Variants in ZNF804A observed in about 807,000 individuals in gnomAD.
ZNF804A encodes zinc finger protein 804A.
A neutral mutation model predicts 16.5 loss-of-function variants in ZNF804A; 2 were observed. The ratio of observed to expected loss-of-function variants is 0.12; its 90% CI spans 0.05 to 0.38. The LOEUF (loss-of-function observed/expected upper bound fraction) is 0.38. Ranked by LOEUF, ZNF804A falls within the 10% of genes least tolerant of loss-of-function variation. The pLI, the probability that ZNF804A is intolerant of heterozygous loss-of-function variation, is 0.99. For synonymous variants in ZNF804A, 534 were observed against 489.6 expected, an observed-to-expected ratio of 1.09 and a Z score of -1.20; for missense variants, 1,473 against 1,390.7, an observed-to-expected ratio of 1.06 and a Z score of -0.94.
intron 1 of ZNF804A, among the ~76,000 whole-genome samples, chr2:184,600,832 C>A (rs1437863837): frequency 2.6e-5 from 4 of 152,130 alleles, no homozygotes; most frequent in African/African-American, 7.2e-5. Context: ...GGAGTTGGTT[C>A]ATTCTTCATG....
intron 1 of ZNF804A, among the ~76,000 whole-genome samples, chr2:184,827,682 TC>T (rs1471910480): frequency 6.6e-6 from 1 of 151,268 alleles, no homozygotes; most frequent in African/African-American, 2.4e-5. Context: ...CTAATTTGTT[TC>T]TAGTATTTTT....
At chr2:184,627,318 A>T (rs1299817059) in intron 1 of ZNF804A, among the ~76,000 whole-genome samples, 1 of 152,168 alleles carries the variant, frequency 6.6e-6, no homozygotes, top group Non-Finnish European at 1.5e-5. Context: ...CAGAAAAAAA[A>T]ATACATTGAC....
At chr2:184,871,415 C>CAAA (rs71407821) in intron 2 of ZNF804A, among the ~76,000 whole-genome samples, 113 of 105,758 alleles carry the variant, frequency 1.1e-3, no homozygotes, top group Middle Eastern at 9.4e-3. Context: ...ATTACTCCAG[C>CAAA]AAAAAAAAAA....
chr2:184,632,988 T>A (rs1457421830), intron 1 of ZNF804A, among the ~76,000 whole-genome samples: 1 of 152,140 alleles, frequency 6.6e-6, no homozygotes, highest in Non-Finnish European at 1.5e-5. Flanking sequence ...CAGACGAAGT[T>A]TGACCTTTTC....
intron 1 of ZNF804A, among the ~76,000 whole-genome samples, chr2:184,735,973 A>G (rs1030099656): frequency 3.9e-5 from 6 of 152,226 alleles, no homozygotes; most frequent in Admixed American, 2.0e-4. Context: ...ATTTCATTGT[A>G]GTCCATCACA....
At chr2:184,771,892 A>G (rs937021708) in intron 1 of ZNF804A, among the ~76,000 whole-genome samples, 1 of 152,014 alleles carries the variant, frequency 6.6e-6, no homozygotes, top group African/African-American at 2.4e-5. Context: ...GATATAACAT[A>G]ATGTAATTAT....
chr2:184,797,037 T>C (rs1694639985), intron 1 of ZNF804A, among the ~76,000 whole-genome samples: 1 of 152,170 alleles, frequency 6.6e-6, no homozygotes, highest in Non-Finnish European at 1.5e-5. Context: ...GCTTGTTTTA[T>C]GGCCTATCAT....
intron 1 of ZNF804A, among the ~76,000 whole-genome samples, chr2:184,664,017 T>TC (rs969331490): frequency 9.2e-5 from 14 of 152,194 alleles, no homozygotes; most frequent in African/African-American, 3.1e-4. Context: ...GTCACCAAGT[T>TC]CTAGTTTCAT....
At chr2:184,713,127 C>G (rs1326753174) in intron 1 of ZNF804A, among the ~76,000 whole-genome samples, 1 of 151,628 alleles carries the variant, frequency 6.6e-6, no homozygotes, top group Non-Finnish European at 1.5e-5. Context: ...GAAGAAATAG[C>G]CACCTCTCCC....
At chr2:184,738,221 C>G (rs1462812667) in intron 1 of ZNF804A, among the ~76,000 whole-genome samples, 2 of 150,826 alleles carry the variant, frequency 1.3e-5, no homozygotes, top group Non-Finnish European at 2.9e-5. Context: ...TGATTAGTGG[C>G]AAGGCAAGCT....
At chr2:184,755,571 C>T (rs182909382) in intron 1 of ZNF804A, among the ~76,000 whole-genome samples, 2 of 151,932 alleles carry the variant, frequency 1.3e-5, no homozygotes, top group Non-Finnish European at 1.5e-5. Context: ...AGTTTTAGAA[C>T]GCAATAAAAA....
At chr2:184,777,665 T>C (rs995521408) in intron 1 of ZNF804A, among the ~76,000 whole-genome samples, 1 of 151,722 alleles carries the variant, frequency 6.6e-6, no homozygotes, top group Non-Finnish European at 1.5e-5. Context: ...TATCTGTTGA[T>C]CAAGTTTTAA....
intron 1 of ZNF804A, among the ~76,000 whole-genome samples, chr2:184,656,048 C>A (rs1258583794): frequency 6.6e-6 from 1 of 151,822 alleles, no homozygotes. Flanking sequence ...AACAAACTTC[C>A]TAGGTCGTTG....
intron 1 of ZNF804A, among the ~76,000 whole-genome samples, chr2:184,721,561 G>T (rs1574179718): frequency 1.3e-5 from 2 of 151,998 alleles, no homozygotes; most frequent in Admixed American, 6.6e-5. Flanking sequence ...TACTATGGCT[G>T]TTATTAAAGC....
chr2:184,635,024 A>G (rs768274064), intron 1 of ZNF804A, among the ~76,000 whole-genome samples: 4 of 152,166 alleles, frequency 2.6e-5, no homozygotes, highest in Admixed American at 6.5e-5. Flanking sequence ...TCCTTGCATT[A>G]AAGAGTGGTT....
intron 1 of ZNF804A, among the ~76,000 whole-genome samples, chr2:184,644,248 TAA>T (rs907748039): frequency 4.3e-5 from 6 of 140,274 alleles, no homozygotes; most frequent in Non-Finnish European, 7.9e-5. Context: ...TATATATATA[TAA>T]AATACCTCAT....
chr2:184,885,899 C>A (rs1684881012), intron 2 of ZNF804A, among the ~76,000 whole-genome samples: 1 of 152,144 alleles, frequency 6.6e-6, no homozygotes, highest in African/African-American at 2.4e-5. Flanking sequence ...GGGTGGGACA[C>A]AGCCAAATCA....
At chr2:184,794,193 G>A (rs982009170) in intron 1 of ZNF804A, among the ~76,000 whole-genome samples, 1 of 152,112 alleles carries the variant, frequency 6.6e-6, no homozygotes, top group Non-Finnish European at 1.5e-5. Flanking sequence ...CACCAGCAGT[G>A]TAGAAGTATT....
chr2:184,616,885 G>C (rs1280252904), intron 1 of ZNF804A, among the ~76,000 whole-genome samples: 1 of 152,040 alleles, frequency 6.6e-6, no homozygotes, highest in Non-Finnish European at 1.5e-5. Context: ...GATGACTCTT[G>C]CTGTTCTAGG....
Sources: gnomAD v4.1 joint callset for allele counts (sites outside exome capture counted in the v4.1 genomes callset) on GRCh38, gnomAD v4.1.1 for gene constraint, MANE v1.5 for transcripts, NCBI Gene and HGNC (gene_info 2026-07-23, HGNC 2026-07-21) for gene names.